The following GULP1 variants were observed in gnomAD, a reference collection of about 807,000 sequenced individuals.
GULP1 encodes the protein GULP PTB domain containing engulfment adaptor 1.
GULP1 carries 19 observed loss-of-function variants against 40.9 expected under a neutral mutation model. The observed-to-expected ratio is 0.46, with a 90% confidence interval of 0.32 to 0.68. The LOEUF (loss-of-function observed/expected upper bound fraction) is 0.68, where lower values mean the gene tolerates loss of function less well. GULP1 is among the 30% of genes least tolerant of loss of function. The probability of loss-of-function intolerance (pLI) is 0.03; values close to 1 mark genes in which losing one functional copy is unlikely to be tolerated. For missense variants in GULP1, 312 were observed against 362.2 expected (o/e 0.86, Z 1.12); for synonymous variants, 119 against 117.6 (o/e 1.01, Z -0.08).
At chr2:188,543,200 T>A (rs893405253) in intron 7 of GULP1, among the ~76,000 whole-genome samples, 30 of 152,108 alleles carry the variant, frequency 2.0e-4, no homozygotes, top group African/African-American at 4.6e-4. Flanking sequence ...ATTAAAAAAA[T>A]AAATAAAAAA....
chr2:188,378,542 T>C (rs545365817), intron 1 of GULP1, among the ~76,000 whole-genome samples: 1 of 152,184 alleles, frequency 6.6e-6, no homozygotes, highest in Non-Finnish European at 1.5e-5. Flanking sequence ...ATACGACACA[T>C]GGTGCCACCA....
chr2:188,593,727 A>G (rs1704045624), intron 11 of GULP1: 5 of 377,600 alleles, frequency 1.3e-5, no homozygotes, highest in Non-Finnish European at 1.5e-5. Context: ...CTAACCTCAC[A>G]TAGATTTAAA....
At chr2:188,571,071 T>C (rs2153434243) in intron 9 of GULP1, among the ~76,000 whole-genome samples, 1 of 152,194 alleles carries the variant, frequency 6.6e-6, no homozygotes, top group Non-Finnish European at 1.5e-5. Context: ...GGTAAGAGGA[T>C]GGCATGAGCC....
At chr2:188,506,141 G>A (rs542233297) in intron 4 of GULP1, among the ~76,000 whole-genome samples, 12 of 151,936 alleles carry the variant, frequency 7.9e-5, no homozygotes, top group Non-Finnish European at 1.0e-4. Context: ...TTGATAAGTA[G>A]TGCCCTATTT....
chr2:188,344,099 C>T (rs1394903652), intron 1 of GULP1, among the ~76,000 whole-genome samples: 3 of 152,194 alleles, frequency 2.0e-5, no homozygotes, highest in African/African-American at 2.4e-5. Context: ...TGAGCCACCA[C>T]GCCTGGCCCT....
At chr2:188,441,266 A>T (rs2057905023) in intron 2 of GULP1, among the ~76,000 whole-genome samples, 1 of 152,210 alleles carries the variant, frequency 6.6e-6, no homozygotes, top group Non-Finnish European at 1.5e-5. Context: ...CAGCACATAT[A>T]AGTGGAAACT....
intron 1 of GULP1, among the ~76,000 whole-genome samples, chr2:188,368,205 A>G (rs1030105680): frequency 1.3e-5 from 2 of 152,170 alleles, no homozygotes; most frequent in Non-Finnish European, 2.9e-5. Flanking sequence ...AGGTCTGGGG[A>G]TTTTTTGGTG....
intron 7 of GULP1, 170 bp downstream of exon 7, chr2:188,541,488 T>C: frequency 1.5e-6 from 1 of 680,450 alleles, no homozygotes; most frequent in Non-Finnish European, 2.7e-6. Context: ...CATGAGAATA[T>C]GCTTCAGGAT....
At chr2:188,449,587 G>A (rs983057996) in intron 2 of GULP1, among the ~76,000 whole-genome samples, 4 of 152,174 alleles carry the variant, frequency 2.6e-5, no homozygotes, top group Non-Finnish European at 5.9e-5. Context: ...TTACTTCCAT[G>A]GGTAGTATAG....
intron 11 of GULP1, chr2:188,590,057 C>T (rs1225636867): frequency 5.7e-6 from 1 of 174,854 alleles, no homozygotes; most frequent in Non-Finnish European, 1.2e-5. Context: ...ACTGCAACCT[C>T]CACCGCCCGG....
intron 2 of GULP1, among the ~76,000 whole-genome samples, chr2:188,470,817 T>C (rs2060526562): frequency 6.6e-6 from 1 of 152,200 alleles, no homozygotes; most frequent in African/African-American, 2.4e-5. Context: ...TTAAACTGTT[T>C]TGTGATCTAA....
chr2:188,558,324 G>A (rs1695355392), intron 7 of GULP1, among the ~76,000 whole-genome samples: 1 of 152,110 alleles, frequency 6.6e-6, no homozygotes, highest in Admixed American at 6.6e-5. Flanking sequence ...GAGATCTGAT[G>A]GTTTTATCAG....
intron 2 of GULP1, among the ~76,000 whole-genome samples, chr2:188,384,881 A>T (rs1223022141): frequency 1.3e-5 from 2 of 152,176 alleles, no homozygotes; most frequent in African/African-American, 4.8e-5. Context: ...CTGATGTAAG[A>T]GGTGAGTTCC....
intron 1 of GULP1, among the ~76,000 whole-genome samples, chr2:188,336,717 T>G (rs1422551823): frequency 1.3e-5 from 2 of 152,142 alleles, no homozygotes; most frequent in Non-Finnish European, 2.9e-5. Flanking sequence ...TATGTGGGCA[T>G]GTAGATTTGA....
intron 4 of GULP1, among the ~76,000 whole-genome samples, chr2:188,485,239 A>G (rs373221057): frequency 9.2e-5 from 14 of 152,168 alleles, no homozygotes; most frequent in African/African-American, 2.4e-4. Flanking sequence ...AACTCCGCCA[A>G]TCATTCTGCT....
At chr2:188,341,693 T>A (rs1472266017) in intron 1 of GULP1, among the ~76,000 whole-genome samples, 1 of 152,208 alleles carries the variant, frequency 6.6e-6, no homozygotes, top group Non-Finnish European at 1.5e-5. Context: ...CAGAGCTTAC[T>A]GTGTGCCAAG....
intron 2 of GULP1, among the ~76,000 whole-genome samples, chr2:188,398,552 T>G (rs1406350513): frequency 6.6e-6 from 1 of 152,180 alleles, no homozygotes; most frequent in Non-Finnish European, 1.5e-5. Context: ...TAGTATGTAA[T>G]TATAATTAAT....
At chr2:188,575,907 A>G (rs1559397095) in intron 9 of GULP1, among the ~76,000 whole-genome samples, 1 of 152,168 alleles carries the variant, frequency 6.6e-6, no homozygotes, top group Non-Finnish European at 1.5e-5. Flanking sequence ...AAATTGGCCT[A>G]TAATTCTACC....
At chr2:188,435,006 AATATCTTTTCT>A (rs1401124312) in intron 2 of GULP1, among the ~76,000 whole-genome samples, 6 of 151,994 alleles carry the variant, frequency 3.9e-5, no homozygotes, top group Non-Finnish European at 8.8e-5. Flanking sequence ...AGTGGCTTAC[AATATCTTTTCT>A]ATATTTATAA....
Sources: allele counts gnomAD v4.1 joint callset (sites outside exome capture counted in the v4.1 genomes callset), GRCh38; gene constraint gnomAD v4.1.1; transcripts MANE v1.5; gene names NCBI Gene and HGNC (gene_info 2026-07-23, HGNC 2026-07-21).